Variants in ICA1L observed in about 807,000 individuals in gnomAD.
The protein encoded by ICA1L is islet cell autoantigen 1-like protein.
ICA1L carries 50 observed loss-of-function variants against 61.3 expected under a neutral mutation model. That is an observed-to-expected ratio of 0.82 (90% CI 0.65 to 1.03). The LOEUF is 1.03. ICA1L is among the 50% of genes least tolerant of loss of function. The pLI, the probability that ICA1L is intolerant of heterozygous loss-of-function variation, is 0.00. For synonymous variants in ICA1L, 161 were observed against 191.3 expected, an observed-to-expected ratio of 0.84 and a Z score of 1.31; for missense variants, 508 against 556.7, an observed-to-expected ratio of 0.91 and a Z score of 0.88.
At chr2:202,847,951 GC>G (rs1032808102) in intron 1 of ICA1L, among the ~76,000 whole-genome samples, 1 of 152,060 alleles carries the variant, frequency 6.6e-6, no homozygotes, top group African/African-American at 2.4e-5. Flanking sequence ...GCAGCTGGAG[GC>G]CATTTTCCTA....
intron 1 of ICA1L, among the ~76,000 whole-genome samples, chr2:202,845,714 T>C (rs1694447384): frequency 1.3e-5 from 2 of 152,306 alleles, no homozygotes; most frequent in South Asian, 4.1e-4. Flanking sequence ...AATTCAAATC[T>C]TAAGTAAAAT....
At chr2:202,781,501 G>A (rs1214160427) in intron 12 of ICA1L, among the ~76,000 whole-genome samples, 5 of 151,396 alleles carry the variant, frequency 3.3e-5, no homozygotes, top group Non-Finnish European at 5.9e-5. Context: ...TTGAATCCGG[G>A]AGGCAGAGGT....
chr2:202,834,051 T>C (rs1454635233), intron 1 of ICA1L, among the ~76,000 whole-genome samples: 1 of 152,180 alleles, frequency 6.6e-6, no homozygotes, highest in East Asian at 1.9e-4. Context: ...AGGCAGGATT[T>C]TTAGTGTTCT....
intron 1 of ICA1L, among the ~76,000 whole-genome samples, chr2:202,850,597 T>C (rs1004516585): frequency 6.6e-6 from 1 of 151,934 alleles, no homozygotes; most frequent in Non-Finnish European, 1.5e-5. Flanking sequence ...GAAAAAAGAA[T>C]GAAAAGGAAT....
intron 12 of ICA1L, among the ~76,000 whole-genome samples, chr2:202,785,234 A>G (rs921055707): frequency 4.6e-5 from 7 of 151,912 alleles, no homozygotes; most frequent in South Asian, 2.1e-4. Context: ...AAAAAAAAAA[A>G]AAAGAAAAGA....
chr2:202,836,806 GATAT>G (rs1176153634), intron 1 of ICA1L, among the ~76,000 whole-genome samples: 14 of 59,274 alleles, frequency 2.4e-4, no homozygotes, highest in Non-Finnish European at 5.3e-5. Flanking sequence ...TATATATATA[GATAT>G]ATATAGATAT....
chr2:202,801,115 C>T (rs895273000), intron 9 of ICA1L, among the ~76,000 whole-genome samples: 14 of 152,114 alleles, frequency 9.2e-5, no homozygotes, highest in African/African-American at 3.1e-4. Context: ...GGGAAGGGAA[C>T]AGGTATTGGT....
At chr2:202,871,442 C>T (rs1201339026) in intron 1 of ICA1L, 177 bp downstream of exon 1, 2 of 152,122 alleles carry the variant, frequency 1.3e-5, no homozygotes, top group Non-Finnish European at 2.9e-5. Context: ...GCCGGGGTCC[C>T]CCAGAGAACC....
chr2:202,784,424 G>A (rs1282022896), intron 12 of ICA1L, among the ~76,000 whole-genome samples: 1 of 152,158 alleles, frequency 6.6e-6, no homozygotes, highest in Non-Finnish European at 1.5e-5. Context: ...CAGCCTGGGC[G>A]ACTCTGTCTC....
At chr2:202,816,661 C>T (rs1693545156) in intron 6 of ICA1L, among the ~76,000 whole-genome samples, 1 of 152,178 alleles carries the variant, frequency 6.6e-6, no homozygotes, top group East Asian at 1.9e-4. Flanking sequence ...ATCCTTTCTC[C>T]ATTTCTGAAT....
chr2:202,773,646 C>T lies in ICA1L; in HGVS notation c.*5887G>A, dbSNP rs1173098269. The T allele has an allele frequency of 1.4e-6, 1 of 696,394 alleles. No homozygotes were observed. Among genetic ancestry groups the T allele is most frequent in the Non-Finnish European group, 2.4e-6 (1 of 411,134 alleles). The allele number at this position is 696,394 out of a possible 1,614,324, so 43.1% of individuals were successfully genotyped here. A position where few individuals can be genotyped will look rare whatever the true frequency, so the allele number is the denominator to read the frequency against. On this transcript the variant is annotated 3_prime_UTR_variant, in exon 13 of 13. Coordinates refer to ENST00000358299, the MANE Select transcript of ICA1L (RefSeq NM_001288622.3). Reference sequence around the variant, plus strand: ...AGCCTCTTTCCCACAAACTAAATTCCATCCATTTGAGCTTTCAGAGATAGA... The same window carrying T: ...AGCCTCTTTCCCACAAACTAAATTCTATCCATTTGAGCTTTCAGAGATAGA...
At chr2:202,815,641 A>T (rs543296281) in intron 7 of ICA1L, among the ~76,000 whole-genome samples, 1 of 151,238 alleles carries the variant, frequency 6.6e-6, no homozygotes, top group African/African-American at 2.4e-5. Flanking sequence ...TTTACTTTTA[A>T]ATTTTTTTCA....
rs111895558 is a variant in ICA1L, at chr2:202,799,023, T to C, written c.911-2059A>G. The stretch of plus-strand genomic sequence containing the variant: ...TACTTTTTCTTTATCCATTCATCCA[T>C]TGATGGACACTTAGGGTTGATTCTA... On this transcript the variant is annotated intron_variant, in intron 9 of 12. Coordinates refer to ENST00000358299, the MANE Select transcript of ICA1L (RefSeq NM_001288622.3). Among the ~76,000 whole-genome samples, 1,283 of 152,344 alleles carry C rather than the reference T, an allele frequency of 8.4e-3. 8 individuals are homozygous for C. The highest frequency in any genetic ancestry group is 0.014 in the Non-Finnish European group (973 of 68,030).
intron 12 of ICA1L, among the ~76,000 whole-genome samples, chr2:202,783,637 T>C (rs77074785): frequency 0.038 from 5,852 of 152,280 alleles, 362 homozygotes; most frequent in African/African-American, 0.13. Flanking sequence ...CTAAATGCAA[T>C]GTGTGATCCT....
chr2:202,825,832 C>G, intron 2 of ICA1L, 65 bp from the exon 3 acceptor site: 1 of 905,556 alleles, frequency 1.1e-6, no homozygotes, highest in Non-Finnish European at 1.6e-6. Context: ...TATAAGCACC[C>G]CAAAAGCATA....
chr2:202,830,448 C>T (rs1693985537), intron 1 of ICA1L, among the ~76,000 whole-genome samples: 1 of 152,100 alleles, frequency 6.6e-6, no homozygotes, highest in Admixed American at 6.6e-5. Flanking sequence ...AGAAGTTATT[C>T]TTAACAAGGT....
chr2:202,843,269 A>G (rs1404754365), intron 1 of ICA1L, among the ~76,000 whole-genome samples: 1 of 151,976 alleles, frequency 6.6e-6, no homozygotes, highest in African/African-American at 2.4e-5. Flanking sequence ...GGCTAGTTTC[A>G]TTGTGGACTG....
chr2:202,861,458 T>C (rs1694909965), intron 1 of ICA1L, among the ~76,000 whole-genome samples: 1 of 120,482 alleles, frequency 8.3e-6, no homozygotes, highest in Non-Finnish European at 1.8e-5. Flanking sequence ...TGGATGTTAC[T>C]AAATAACAAA....
intron 1 of ICA1L, among the ~76,000 whole-genome samples, chr2:202,865,479 A>G (rs1267838826): frequency 6.6e-6 from 1 of 152,068 alleles, no homozygotes; most frequent in African/African-American, 2.4e-5. Context: ...GAAAAAAAAA[A>G]AAAGAAAACA....
Sources: gnomAD v4.1 joint callset for allele counts (sites outside exome capture counted in the v4.1 genomes callset) on GRCh38, gnomAD v4.1.1 for gene constraint, MANE v1.5 for transcripts, NCBI Gene and HGNC (gene_info 2026-07-23, HGNC 2026-07-21) for gene names.